Variants in DZIP3 observed in about 807,000 individuals in gnomAD.
DZIP3 encodes E3 ubiquitin-protein ligase DZIP3.
DZIP3 carries 118 observed loss-of-function variants against 162.0 expected under a neutral mutation model. The observed-to-expected ratio is 0.73, with a 90% confidence interval of 0.63 to 0.85. DZIP3 has a LOEUF of 0.85. Ranked by LOEUF, DZIP3 falls within the 40% of genes least tolerant of loss-of-function variation. DZIP3 has a pLI of 0.00. For missense variants in DZIP3, 1,331 were observed against 1,407.0 expected (o/e 0.95, Z 0.86); for synonymous variants, 438 against 458.6 (o/e 0.96, Z 0.57).
chr3:108,639,515 A>G (rs1942295479), intron 12 of DZIP3, among the ~76,000 whole-genome samples: 1 of 152,204 alleles, frequency 6.6e-6, no homozygotes, highest in Admixed American at 6.5e-5. Context: ...GTTGTGGGAA[A>G]GAATTTGGGG....
intron 21 of DZIP3, 122 bp downstream of exon 21, chr3:108,662,379 G>T: frequency 8.3e-7 from 1 of 1,205,440 alleles, no homozygotes; most frequent in Non-Finnish European, 1.1e-6. Flanking sequence ...TCAACCACAC[G>T]ACTGCACTTG....
At chr3:108,615,616 C>A (rs1940961600) in intron 4 of DZIP3, among the ~76,000 whole-genome samples, 1 of 151,876 alleles carries the variant, frequency 6.6e-6, no homozygotes, top group South Asian at 2.1e-4. Flanking sequence ...ATTTTCCATG[C>A]AGATTATACA....
intron 1 of DZIP3, among the ~76,000 whole-genome samples, chr3:108,604,510 G>A (rs1010795408): frequency 6.6e-6 from 1 of 152,066 alleles, no homozygotes; most frequent in Non-Finnish European, 1.5e-5. Flanking sequence ...GGAATAAATA[G>A]CTATGTAAAT....
intron 26 of DZIP3, among the ~76,000 whole-genome samples, chr3:108,678,057 C>G (rs1944174842): frequency 6.6e-6 from 1 of 151,928 alleles, no homozygotes; most frequent in Non-Finnish European, 1.5e-5. Context: ...AGCTCTGCAT[C>G]CTGTCAAATC....
At chr3:108,657,621 T>G (rs1268487577) in intron 19 of DZIP3, among the ~76,000 whole-genome samples, 1 of 152,088 alleles carries the variant, frequency 6.6e-6, no homozygotes, top group Non-Finnish European at 1.5e-5. Context: ...AATGACAGGA[T>G]CAAATTCACA....
At chr3:108,631,054 C>CACACACACACACAT in intron 8 of DZIP3, among the ~76,000 whole-genome samples, 1 of 126,148 alleles carries the variant, frequency 7.9e-6, no homozygotes, top group Non-Finnish European at 1.7e-5. Flanking sequence ...CACACACACA[C>CACACACACACACAT]ACTCTCTCTC....
intron 21 of DZIP3, 119 bp downstream of exon 21, chr3:108,662,376 C>T: frequency 8.2e-7 from 1 of 1,220,482 alleles, no homozygotes; most frequent in South Asian, 2.1e-5. Flanking sequence ...ACCTCAACCA[C>T]ACGACTGCAC....
chr3:108,590,702 T>C (rs1939349287), intron 1 of DZIP3, among the ~76,000 whole-genome samples: 1 of 152,222 alleles, frequency 6.6e-6, no homozygotes, highest in South Asian at 2.1e-4. Context: ...TGCAGTAACA[T>C]GCAGCAGTGG....
intron 19 of DZIP3, among the ~76,000 whole-genome samples, chr3:108,661,541 C>T (rs964214533): frequency 2.0e-5 from 3 of 151,882 alleles, no homozygotes; most frequent in Non-Finnish European, 2.9e-5. Context: ...TGTTAAATGA[C>T]GAGTTAATGG....
chr3:108,661,319 G>A (rs1038641831), intron 19 of DZIP3, among the ~76,000 whole-genome samples: 1 of 152,154 alleles, frequency 6.6e-6, no homozygotes, highest in Non-Finnish European at 1.5e-5. Context: ...AAAATGATGA[G>A]TTCATGTCCT....
At chr3:108,641,666 G>A (rs1441849018) in intron 12 of DZIP3, among the ~76,000 whole-genome samples, 4 of 152,136 alleles carry the variant, frequency 2.6e-5, no homozygotes, top group Admixed American at 6.5e-5. Flanking sequence ...AACAGTATGG[G>A]AGATACCTTT....
At chr3:108,602,355 G>T (rs1204415754) in intron 1 of DZIP3, among the ~76,000 whole-genome samples, 1 of 152,174 alleles carries the variant, frequency 6.6e-6, no homozygotes, top group East Asian at 1.9e-4. Flanking sequence ...AGTAAGGAAG[G>T]CATGTCACTG....
chr3:108,664,143 C>T (rs966721743), intron 21 of DZIP3, among the ~76,000 whole-genome samples: 1 of 152,178 alleles, frequency 6.6e-6, no homozygotes, highest in Non-Finnish European at 1.5e-5. Context: ...AGTAAGTTTT[C>T]TCCTTTGCCT....
intron 20 of DZIP3, 48 bp from the exon 21 acceptor site, chr3:108,662,082 C>A: frequency 6.4e-7 from 1 of 1,567,748 alleles, no homozygotes; most frequent in South Asian, 1.2e-5. Flanking sequence ...CTTTCAATTT[C>A]TGGTGACTTG....
At chr3:108,674,407 C>A (rs1944029022) in intron 24 of DZIP3, among the ~76,000 whole-genome samples, 1 of 151,514 alleles carries the variant, frequency 6.6e-6, no homozygotes, top group South Asian at 2.1e-4. Context: ...CCTCAAAAGT[C>A]ATTTAGTTAC....
intron 1 of DZIP3, among the ~76,000 whole-genome samples, chr3:108,605,047 G>A (rs558894062): frequency 2.6e-5 from 4 of 152,248 alleles, no homozygotes; most frequent in African/African-American, 7.2e-5. Context: ...TTACTAGGAG[G>A]ATAAAATAAC....
In DZIP3 at chr3:108,688,743, C is replaced by G; in HGVS notation, c.3414+7C>G. The G allele has an allele frequency of 6.2e-7, 1 of 1,613,676 alleles. No homozygotes were observed. ...GGAAGGAGCCAGTAATCCAGTGAGA[C>G]TGAAATTTTTGATTCTGAACACATT... On this transcript the variant is annotated splice_region_variant and intron_variant, in intron 30 of 32. Transcript: ENST00000361582.
At position 108,608,164 on chromosome 3, in the gene DZIP3, A is replaced by G. The variant is rs764572462; in HGVS notation, c.102+6A>G. 2.8e-5 allele frequency: 45 copies of G among 1,605,054 alleles called. 2 individuals are homozygous for G. Among genetic ancestry groups the G allele is most frequent in the Non-Finnish European group, 2.4e-5 (28 of 1,173,440 alleles). ...AAAAATCATCTGGTCAACTGGTAAG[A>G]GAAAGTTTAATTTTCATTAACTGTT... On this transcript the variant is annotated splice_donor_region_variant and intron_variant, in intron 3 of 32. Transcript: ENST00000361582.
chr3:108,644,190 TA>T lies in DZIP3; in HGVS notation c.1169del (p.Tyr390LeufsTer10). Reference protein sequence around the residue: ...KDEMPIFKLDYNYFYHLLHII... With the variant: ...KDEMPIFKLDXNYFYHLLHII... ...TGAAATGCCTATCTTCAAGCTTGATTATAATTATTTCTATCATCTGCTTCAT... is the reference window on the plus strand; with the variant it reads ...TGAAATGCCTATCTTCAAGCTTGATTTAATTATTTCTATCATCTGCTTCAT... On this transcript the variant is annotated frameshift_variant, in exon 14 of 33. Transcript: ENST00000361582. LOFTEE classifies it high-confidence loss of function. 6.2e-7 allele frequency: 1 copy of T among 1,603,408 alleles called. No individual in the cohort carries two copies. The highest frequency in any genetic ancestry group is 8.5e-7 in the Non-Finnish European group (1 of 1,176,302).
Sources: allele counts gnomAD v4.1 joint callset (sites outside exome capture counted in the v4.1 genomes callset), GRCh38; gene constraint gnomAD v4.1.1; transcripts MANE v1.5; gene names NCBI Gene and HGNC (gene_info 2026-07-23, HGNC 2026-07-21).